CEMIP: variants seen among roughly 807,000 people sequenced by gnomAD.
CEMIP encodes cell migration-inducing and hyaluronan-binding protein.
CEMIP carries 105 observed loss-of-function variants against 156.9 expected under a neutral mutation model. The ratio of observed to expected loss-of-function variants is 0.67; its 90% CI spans 0.57 to 0.79. CEMIP has a LOEUF of 0.79. Among genes scored for constraint, CEMIP ranks in the 30% least tolerant of loss-of-function variants. The pLI is 0.00. For synonymous variants in CEMIP, 676 were observed against 668.4 expected (o/e 1.01, Z -0.17); for missense variants, 1,457 against 1,769.4 (o/e 0.82, Z 3.17).
intron 1 of CEMIP, among the ~76,000 whole-genome samples, chr15:80,828,111 G>A (rs1053277674): frequency 1.5e-4 from 23 of 152,234 alleles, no homozygotes; most frequent in Admixed American, 4.6e-4. Flanking sequence ...GGGTGTGGTG[G>A]CTCACGCCTA....
chr15:80,893,791 C>T (rs1322487012), intron 10 of CEMIP, among the ~76,000 whole-genome samples: 3 of 151,420 alleles, frequency 2.0e-5, no homozygotes, highest in Non-Finnish European at 4.4e-5. Context: ...CCAAAGATAA[C>T]GGAGCTGCTG....
At chr15:80,815,116 CCA>C (rs1184799518) in intron 1 of CEMIP, among the ~76,000 whole-genome samples, 1 of 152,226 alleles carries the variant, frequency 6.6e-6, no homozygotes, top group Non-Finnish European at 1.5e-5. Flanking sequence ...GGAAAACCTG[CCA>C]TATATACCCT....
intron 4 of CEMIP, 23 bp downstream of exon 4, chr15:80,878,890 C>T (rs930655415): frequency 1.2e-6 from 2 of 1,614,056 alleles, no homozygotes; most frequent in Non-Finnish European, 1.7e-6. Context: ...CTCTCTGCTG[C>T]TCCCTCTTCC....
chr15:80,900,968 G>A (rs1316226172), intron 12 of CEMIP: 1 of 455,664 alleles, frequency 2.2e-6, no homozygotes, highest in African/African-American at 2.0e-5. Flanking sequence ...AGGCCTTTCT[G>A]ATGGGAAACA....
chr15:80,878,099 C>T (rs1390148942), intron 3 of CEMIP, among the ~76,000 whole-genome samples: 1 of 152,186 alleles, frequency 6.6e-6, no homozygotes, highest in Non-Finnish European at 1.5e-5. Flanking sequence ...CAAAATGTCC[C>T]ATTATAAGAG....
chr15:80,880,521 C>T (rs189017813), intron 5 of CEMIP, among the ~76,000 whole-genome samples: 6 of 152,298 alleles, frequency 3.9e-5, no homozygotes, highest in Admixed American at 3.9e-4. Flanking sequence ...ACCACAACCT[C>T]TGCCTCCTGG....
chr15:80,933,855 T>A (rs1481550236), intron 23 of CEMIP, among the ~76,000 whole-genome samples: 1 of 152,206 alleles, frequency 6.6e-6, no homozygotes, highest in African/African-American at 2.4e-5. Context: ...TTCATCAGCC[T>A]TATCCAATAG....
intron 21 of CEMIP, among the ~76,000 whole-genome samples, chr15:80,929,858 G>A (rs980045842): frequency 6.6e-6 from 1 of 152,228 alleles, no homozygotes; most frequent in Non-Finnish European, 1.5e-5. Context: ...AAGGTCAGAC[G>A]ATAAGCAGGT....
chr15:80,872,005 C>G (rs898600036), intron 1 of CEMIP, among the ~76,000 whole-genome samples: 1 of 152,130 alleles, frequency 6.6e-6, no homozygotes, highest in South Asian at 2.1e-4. Flanking sequence ...CTGGGAGTAT[C>G]GTTTCCTCCC....
chr15:80,920,920 T>A, intron 15 of CEMIP, 112 bp from the exon 16 acceptor site: 1 of 819,006 alleles, frequency 1.2e-6, no homozygotes, highest in Non-Finnish European at 2.1e-6. Context: ...CTCAGATCTC[T>A]GATAAGAGAC....
chr15:80,882,757 TACACACACACACAC>T (rs67853416), intron 6 of CEMIP, among the ~76,000 whole-genome samples: 1 of 149,852 alleles, frequency 6.7e-6, no homozygotes, highest in Non-Finnish European at 1.5e-5. Context: ...TGCACACACA[TACACACACACACAC>T]ACACACACAC....
intron 1 of CEMIP, among the ~76,000 whole-genome samples, chr15:80,816,421 T>G (rs944236906): frequency 6.6e-6 from 1 of 152,188 alleles, no homozygotes; most frequent in Admixed American, 6.5e-5. Context: ...CAGGGCCTCC[T>G]GCAGGCAGGT....
intron 23 of CEMIP, among the ~76,000 whole-genome samples, chr15:80,934,942 T>C (rs955182231): frequency 6.6e-6 from 1 of 151,770 alleles, no homozygotes; most frequent in Non-Finnish European, 1.5e-5. Context: ...TTTGGAAGAG[T>C]TGCTGTAGAG....
At chr15:80,881,920 G>A (rs1048183885) in intron 6 of CEMIP, among the ~76,000 whole-genome samples, 1 of 152,198 alleles carries the variant, frequency 6.6e-6, no homozygotes, top group Non-Finnish European at 1.5e-5. Context: ...ATGTTTGGAA[G>A]GCAGCATGGG....
At chr15:80,900,666 G>GTAT (rs1336911654) in intron 12 of CEMIP, among the ~76,000 whole-genome samples, 2 of 144,178 alleles carry the variant, frequency 1.4e-5, no homozygotes, top group African/African-American at 5.2e-5. Flanking sequence ...GTGTGTCTGT[G>GTAT]TGTGTGTGTG....
chr15:80,869,519 T>G (rs537452643), intron 1 of CEMIP, among the ~76,000 whole-genome samples: 41 of 152,350 alleles, frequency 2.7e-4, no homozygotes, highest in African/African-American at 9.9e-4. Flanking sequence ...TCCCTTGAAC[T>G]TTGCTAAGTG....
intron 1 of CEMIP, among the ~76,000 whole-genome samples, chr15:80,793,499 C>G (rs1567049280): frequency 6.6e-6 from 1 of 152,166 alleles, no homozygotes; most frequent in African/African-American, 2.4e-5. Flanking sequence ...GGGTTACCCA[C>G]AAGATCAGAA....
chr15:80,805,376 T>C (rs1454026766), intron 1 of CEMIP, among the ~76,000 whole-genome samples: 1 of 152,208 alleles, frequency 6.6e-6, no homozygotes, highest in South Asian at 2.1e-4. Flanking sequence ...CAAGCAGACC[T>C]TCTTTTCAGG....
intron 1 of CEMIP, among the ~76,000 whole-genome samples, chr15:80,831,387 A>AGCTCGATGG (rs1407618262): frequency 6.6e-6 from 1 of 152,132 alleles, no homozygotes; most frequent in Non-Finnish European, 1.5e-5. Flanking sequence ...TGACAAGCAG[A>AGCTCGATGG]GCTCGATGGG....
Sources: gnomAD v4.1 joint callset for allele counts (sites outside exome capture counted in the v4.1 genomes callset) on GRCh38, gnomAD v4.1.1 for gene constraint, MANE v1.5 for transcripts, NCBI Gene and HGNC (gene_info 2026-07-23, HGNC 2026-07-21) for gene names.